Variants in KHDRBS1 observed in about 807,000 individuals in gnomAD.
The protein encoded by KHDRBS1 is KH RNA binding domain containing, signal transduction associated 1.
In KHDRBS1, 7 loss-of-function variants were observed where a neutral mutation model predicts 48.4. The ratio of observed to expected loss-of-function variants is 0.14; its 90% confidence interval spans 0.08 to 0.27. The LOEUF (loss-of-function observed/expected upper bound fraction) is 0.27, where lower values mean the gene tolerates loss of function less well. Among genes scored for constraint, KHDRBS1 ranks in the 10% least tolerant of loss-of-function variants. KHDRBS1 has a pLI of 1.00. For missense variants in KHDRBS1, 458 were observed against 601.2 expected (o/e 0.76, Z 2.49); for synonymous variants, 241 against 235.8 (o/e 1.02, Z -0.20).
At chr1:32,024,423 G>T (rs1402930807) in intron 1 of KHDRBS1, among the ~76,000 whole-genome samples, 3 of 151,928 alleles carry the variant, frequency 2.0e-5, no homozygotes, top group East Asian at 3.8e-4. Context: ...TGATCGTCCT[G>T]CCTCAGCCTC....
intron 10 of KHDRBS1, among the ~76,000 whole-genome samples, chr1:32,051,644 C>T (rs1301057421): frequency 3.3e-5 from 5 of 152,206 alleles, no homozygotes; most frequent in Non-Finnish European, 7.3e-5. Flanking sequence ...GCCCTCTCTT[C>T]CCCCACCACA....
intron 1 of KHDRBS1, among the ~76,000 whole-genome samples, chr1:32,021,523 A>T (rs990109817): frequency 1.6e-4 from 25 of 152,306 alleles, no homozygotes; most frequent in South Asian, 6.2e-4. Context: ...ATTCCAAAAG[A>T]TGATACCAAC....
chr1:32,057,334 A>AT (rs1197548371), intron 10 of KHDRBS1, among the ~76,000 whole-genome samples: 6 of 151,880 alleles, frequency 4.0e-5, no homozygotes, highest in Admixed American at 6.6e-5. Context: ...CAGGTGGCTA[A>AT]TTTTTTCTAT....
intron 1 of KHDRBS1, among the ~76,000 whole-genome samples, chr1:32,022,214 T>C (rs1003350573): frequency 6.6e-6 from 1 of 151,980 alleles, no homozygotes; most frequent in East Asian, 1.9e-4. Context: ...GGTTTCACCA[T>C]GTTGGCCAGG....
chr1:32,035,432 T>C (rs530476682), intron 4 of KHDRBS1, among the ~76,000 whole-genome samples: 1 of 152,266 alleles, frequency 6.6e-6, no homozygotes, highest in South Asian at 2.1e-4. Flanking sequence ...ACGCCTGGGA[T>C]ATATAAAAAT....
intron 4 of KHDRBS1, among the ~76,000 whole-genome samples, chr1:32,036,236 A>G (rs1639179193): frequency 8.1e-6 from 1 of 123,708 alleles, no homozygotes; most frequent in African/African-American, 3.2e-5. Flanking sequence ...CAGTGGCGCT[A>G]TCTTGGCTCA....
chr1:32,021,271 A>AT (rs966806145), intron 1 of KHDRBS1, among the ~76,000 whole-genome samples: 32 of 151,112 alleles, frequency 2.1e-4, no homozygotes, highest in East Asian at 1.5e-3. Flanking sequence ...CCTTTGGGGG[A>AT]TTTTTTTTTA....
chr1:32,015,060 C>T (rs566817647), intron 1 of KHDRBS1, among the ~76,000 whole-genome samples: 2 of 152,250 alleles, frequency 1.3e-5, no homozygotes, highest in African/African-American at 2.4e-5. Context: ...AGTGAAGTAA[C>T]CCTAGAGACA....
intron 4 of KHDRBS1, among the ~76,000 whole-genome samples, chr1:32,034,664 G>A (rs1019821850): frequency 2.0e-5 from 3 of 151,754 alleles, no homozygotes; most frequent in African/African-American, 7.3e-5. Flanking sequence ...TTGCTTTCAA[G>A]TACCTCATCT....
At chr1:32,057,643 C>CA (rs1282333294) in intron 10 of KHDRBS1, among the ~76,000 whole-genome samples, 2 of 147,404 alleles carry the variant, frequency 1.4e-5, no homozygotes, top group Non-Finnish European at 3.0e-5. Flanking sequence ...ACTAAAAATA[C>CA]AAAAAATTAG....
Position 32,014,259 on chromosome 1 carries a change from C to T in KHDRBS1, c.264C>T (p.Pro88=). ...GGCCAGCGCCGACCCCGCTGCTGCC[C>T]CCCTCGGCCACAGCCTCGGTCAAGA... is the stretch of plus-strand genomic sequence containing the variant. The part of the protein sequence containing the change: ...VGGPAPTPLL[P]PSATASVKME... The change falls in exon 1 of 9, where the codon CCC becomes CCT. Residue 88 remains proline, a synonymous_variant. Coordinates refer to ENST00000327300, the MANE Select transcript of KHDRBS1 (RefSeq NM_006559.3). 1 of 1,541,346 alleles carries T rather than the reference C, an allele frequency of 6.5e-7. No homozygotes were observed. Among genetic ancestry groups the T allele is most frequent in the Non-Finnish European group, 8.7e-7 (1 of 1,143,306 alleles).
At chr1:32,021,836 A>G (rs1638863725) in intron 1 of KHDRBS1, among the ~76,000 whole-genome samples, 1 of 151,942 alleles carries the variant, frequency 6.6e-6, no homozygotes, top group African/African-American at 2.4e-5. Context: ...TTTTTAGTAG[A>G]GACAAGGTTT....
chr1:32,019,055 G>A (rs1463767433), intron 1 of KHDRBS1, among the ~76,000 whole-genome samples: 3 of 151,318 alleles, frequency 2.0e-5, no homozygotes, highest in Non-Finnish European at 4.4e-5. Context: ...AGATTGCGCC[G>A]CCACTGCACT....
chr1:32,015,207 C>G (rs1459651802), intron 1 of KHDRBS1, among the ~76,000 whole-genome samples: 1 of 152,032 alleles, frequency 6.6e-6, no homozygotes, highest in African/African-American at 2.4e-5. Flanking sequence ...ATTTTTGATT[C>G]AGTAGTGAAA....
intron 1 of KHDRBS1, among the ~76,000 whole-genome samples, chr1:32,020,174 C>A (rs1273430353): frequency 6.6e-6 from 1 of 151,968 alleles, no homozygotes. Flanking sequence ...CTTTGGGAGG[C>A]CAAGGTGAGA....
chr1:32,042,665 GT>G lies in KHDRBS1; in HGVS notation c.*43del. The stretch of plus-strand genomic sequence containing the variant: ...GAAAATATCAGTTATGAGCAAAGTT[GT>G]TACTGATTTCTTGTATCTCCCAGGA... On this transcript the variant is annotated 3_prime_UTR_variant, in exon 9 of 9. Coordinates refer to ENST00000327300, the MANE Select transcript of KHDRBS1 (RefSeq NM_006559.3). 2.5e-6 allele frequency: 3 copies of G among 1,220,902 alleles called. No homozygotes were observed. Among genetic ancestry groups the G allele is most frequent in the Non-Finnish European group, 3.6e-6 (3 of 828,024 alleles). The allele number at this position is 1,220,902 out of a possible 1,614,324, so 75.6% of individuals were successfully genotyped here. A position where few individuals can be genotyped will look rare whatever the true frequency, so the allele number is the denominator to read the frequency against.
rs1371870367 is a variant in KHDRBS1 at position 32,038,032 on chromosome 1, A to G, written c.1103A>G (p.Glu368Gly). ...CCTCCTGCACCAGAAACATATGAAGAATATGTAAGAAATTTGAACAATGTG... is the reference window on the plus strand; with the variant it reads ...CCTCCTGCACCAGAAACATATGAAGGATATGTAAGAAATTTGAACAATGTG... ...PPPPAPETYE[E>G]YGYDDTYAEQ... Residue 368 changes from glutamate (E) to glycine (G), a missense_variant, in exon 6 of 9, where the codon GAA becomes GGA. Physicochemically the swap from Glu to Gly is moderately conservative, Grantham distance 98. Around this residue, in one of 3 missense-constraint regions of KHDRBS1, gnomAD observed 171 missense variants for 228.7 expected, o/e 0.75. Coordinates refer to ENST00000327300, the MANE Select transcript of KHDRBS1 (RefSeq NM_006559.3). 6.2e-7 allele frequency: 1 copy of G among 1,613,704 alleles called. No homozygotes were observed. The highest frequency in any genetic ancestry group is 2.2e-5 in the East Asian group (1 of 44,862).
At position 32,037,908 on chromosome 1, in the gene KHDRBS1, G is replaced by A; in HGVS notation, c.979G>A (p.Ala327Thr). Reference protein sequence around the residue: ...TPVRGAITRGATVTRGVPPPP... With the variant: ...TPVRGAITRGTTVTRGVPPPP... ...AGTAAGGGGAGCCATCACCAGAGGT[G>A]CCACTGTGACTCGAGGCGTGCCACC... is the stretch of plus-strand genomic sequence containing the variant. The change falls in exon 6 of 9, where the codon GCC (alanine) becomes ACC (threonine). Residue 327 changes from alanine (A) to threonine (T), a missense_variant. By Grantham distance (58) the Ala-to-Thr change is moderately conservative. This residue lies in a region of KHDRBS1 where 171 missense variants were observed against 228.7 expected (regional missense o/e 0.75). Coordinates refer to ENST00000327300, the MANE Select transcript of KHDRBS1 (RefSeq NM_006559.3). The A allele has an allele frequency of 6.2e-7, 1 of 1,614,242 alleles. No homozygotes were observed.
intron 3 of KHDRBS1, 52 bp downstream of exon 3, chr1:32,031,692 C>G: frequency 8.6e-7 from 1 of 1,162,450 alleles, no homozygotes; most frequent in Non-Finnish European, 1.2e-6. Flanking sequence ...TCTACTTGCC[C>G]AGAATGCAGT....
Sources: allele counts gnomAD v4.1 joint callset (sites outside exome capture counted in the v4.1 genomes callset), GRCh38; gene constraint gnomAD v4.1.1; regional missense constraint gnomAD v4.1.1; transcripts MANE v1.5; gene names NCBI Gene and HGNC (gene_info 2026-07-23, HGNC 2026-07-21).